WSB2: variants seen among roughly 807,000 people sequenced by gnomAD.
The protein encoded by WSB2 is WD repeat and SOCS box-containing protein 2.
Under a neutral mutation model 48.8 loss-of-function variants are expected in WSB2, and 12 were observed. The observed-to-expected ratio is 0.25, with a 90% CI of 0.16 to 0.40. WSB2 has a LOEUF of 0.40. Among genes scored for constraint, WSB2 ranks in the 10% least tolerant of loss-of-function variants. The probability of loss-of-function intolerance (pLI) is 1.00; values close to 1 mark genes in which losing one functional copy is unlikely to be tolerated. For missense variants in WSB2, 317 were observed against 506.2 expected (o/e 0.63, Z 3.59); for synonymous variants, 191 against 203.1 (o/e 0.94, Z 0.51).
chr12:118,056,823 C>T (rs1342803724), intron 1 of WSB2, among the ~76,000 whole-genome samples: 1 of 152,064 alleles, frequency 6.6e-6, no homozygotes, highest in Non-Finnish European at 1.5e-5. Flanking sequence ...ATCACTTGAA[C>T]CCGGGAGGTG....
At chr12:118,034,724 T>C (rs2137759133) in intron 8 of WSB2, 1 of 532,168 alleles carries the variant, frequency 1.9e-6, no homozygotes, top group East Asian at 3.2e-5. Flanking sequence ...ATATTATGCA[T>C]CATCTCAATT....
At chr12:118,036,611 G>T (rs1593462465) in intron 5 of WSB2, 101 bp from the exon 6 acceptor site, 1 of 1,273,646 alleles carries the variant, frequency 7.9e-7, no homozygotes, top group Non-Finnish European at 1.1e-6. Flanking sequence ...AGGCCCTGCA[G>T]CCAGGGCTGA....
At chr12:118,038,597 A>G (rs145573797) in intron 4 of WSB2, among the ~76,000 whole-genome samples, 2,183 of 152,336 alleles carry the variant, frequency 0.014, 38 homozygotes, top group Middle Eastern at 0.071. Context: ...TGATATTCTA[A>G]TTCCCCACGG....
At chr12:118,061,221 C>T, upstream of WSB2, 1 of 973,142 alleles carries the variant, frequency 1.0e-6, no homozygotes, top group Non-Finnish European at 1.2e-6. Flanking sequence ...CGCGCGGGGG[C>T]GGGGCGCAGG....
chr12:118,041,906 C>G (rs1021561414), intron 4 of WSB2, among the ~76,000 whole-genome samples: 2 of 152,050 alleles, frequency 1.3e-5, no homozygotes, highest in Non-Finnish European at 2.9e-5. Flanking sequence ...AGGCGCCCAC[C>G]ACCACGCCCA....
In WSB2 at chr12:118,034,164, C is replaced by A. The variant is rs201888386; in HGVS notation, c.*32G>T. On this transcript the variant is annotated 3_prime_UTR_variant, in exon 9 of 9. Coordinates refer to ENST00000315436, the MANE Select transcript of WSB2 (RefSeq NM_018639.5). Reference sequence around the variant, plus strand: ...ACTCCCTTTGACAGGACGATTTACCCTGCTACAAAGAAGCACAAGATGTGG... The same window carrying A: ...ACTCCCTTTGACAGGACGATTTACCATGCTACAAAGAAGCACAAGATGTGG... 1,689 of 1,613,184 alleles carry A rather than the reference C, an allele frequency of 1.0e-3. 5 individuals are homozygous for A. Among genetic ancestry groups the A allele is most frequent in the Middle Eastern group, 8.7e-3 (52 of 5,958 alleles).
At chr12:118,053,300 A>C (rs1397086578) in intron 1 of WSB2, among the ~76,000 whole-genome samples, 1 of 152,110 alleles carries the variant, frequency 6.6e-6, no homozygotes, top group Non-Finnish European at 1.5e-5. Context: ...TCTCCTTGAC[A>C]TGCAAGGGGC....
chr12:118,034,850 G>C (rs1386116314), intron 8 of WSB2, 136 bp downstream of exon 8: 1 of 747,662 alleles, frequency 1.3e-6, no homozygotes. Context: ...TCGATCATTT[G>C]AGTTTTATAT....
At chr12:118,037,679 A>G (rs1003644721) in intron 5 of WSB2, among the ~76,000 whole-genome samples, 7 of 149,240 alleles carry the variant, frequency 4.7e-5, no homozygotes, top group African/African-American at 1.7e-4. Context: ...AAAAAAAAAA[A>G]AAAGAAAAGA....
intron 1 of WSB2, among the ~76,000 whole-genome samples, chr12:118,057,306 A>T (rs374683699): frequency 6.6e-6 from 1 of 151,718 alleles, no homozygotes; most frequent in East Asian, 1.9e-4. Context: ...ACAGAGTCTC[A>T]CTCTGCTGCC....
At chr12:118,035,184 A>G in intron 7 of WSB2, 30 bp downstream of exon 7, 1 of 1,613,642 alleles carries the variant, frequency 6.2e-7, no homozygotes, top group South Asian at 1.1e-5. Flanking sequence ...ACTTGTTCTG[A>G]GGCCATGTAA....
chr12:118,048,212 A>G (rs1376781655), intron 2 of WSB2, among the ~76,000 whole-genome samples: 1 of 150,590 alleles, frequency 6.6e-6, no homozygotes, highest in Non-Finnish European at 1.5e-5. Context: ...TACAGGCGTG[A>G]GCCACCGCAC....
rs764853364 is a variant in WSB2 at position 118,052,459 on chromosome 12, G to C, written c.33C>G (p.Ala11=). MEAGEEPLLL[A]ELKPGRPHQF... is the part of the protein sequence containing the mutation. ...GGTGGGGGCGCCCGGGCTTGAGTTC[G>C]GCCAGCAGCAGCGGTTCCTCTGGGG... Residue 11 remains alanine (A), a synonymous_variant, in exon 2 of 9, where the codon GCC becomes GCG. Coordinates refer to ENST00000315436, the MANE Select transcript of WSB2 (RefSeq NM_018639.5). 1 of 1,614,040 alleles carries C rather than the reference G, an allele frequency of 6.2e-7. No homozygotes were observed. The highest frequency in any genetic ancestry group is 2.2e-5 in the East Asian group (1 of 44,872).
chr12:118,049,745 T>C (rs1321947237), intron 2 of WSB2, among the ~76,000 whole-genome samples: 2 of 152,092 alleles, frequency 1.3e-5, no homozygotes, highest in African/African-American at 4.8e-5. Context: ...TTGCCAGGCT[T>C]CCTTCCAAAA....
intron 2 of WSB2, among the ~76,000 whole-genome samples, chr12:118,045,284 G>A (rs1331223355): frequency 6.6e-6 from 1 of 151,608 alleles, no homozygotes; most frequent in Non-Finnish European, 1.5e-5. Context: ...AGAATGGCGT[G>A]AACCCGGGAG....
chr12:118,060,121 A>T lies in WSB2; in HGVS notation c.13+915T>A, dbSNP rs1161069899. On this transcript the variant is annotated intron_variant, in intron 1 of 8. Coordinates refer to ENST00000315436, the MANE Select transcript of WSB2 (RefSeq NM_018639.5). The surrounding 1 kb of genome is among the most constrained non-coding windows in gnomAD (Gnocchi z 4.1). The stretch of plus-strand genomic sequence containing the variant: ...TTCAAGACCTGGGACTCCCGGAATC[A>T]ATTCTAAATCTATCCCAAGTGGGGT... Among the ~76,000 whole-genome samples the T allele has an allele frequency of 1.3e-5, 2 of 152,260 alleles. No individual in the cohort carries two copies. The highest frequency in any genetic ancestry group is 3.9e-4 in the East Asian group (2 of 5,184).
At chr12:118,038,433 C>G (rs2031560701) in intron 4 of WSB2, 45 bp from the exon 5 acceptor site, 1 of 1,582,002 alleles carries the variant, frequency 6.3e-7, no homozygotes, top group African/African-American at 1.3e-5. Context: ...CTCAACAAAG[C>G]AGGAAGACTG....
intron 2 of WSB2, among the ~76,000 whole-genome samples, chr12:118,044,311 T>C (rs2031702897): frequency 6.6e-6 from 1 of 152,148 alleles, no homozygotes; most frequent in African/African-American, 2.4e-5. Context: ...GTTTTTCCCA[T>C]GAGTAAGAAA....
At chr12:118,049,655 G>A (rs1447899390) in intron 2 of WSB2, among the ~76,000 whole-genome samples, 2 of 151,924 alleles carry the variant, frequency 1.3e-5, no homozygotes, top group Admixed American at 6.6e-5. Flanking sequence ...TGCCTGCCTC[G>A]GCCTCCCAAA....
Sources: gnomAD v4.1 joint callset for allele counts (sites outside exome capture counted in the v4.1 genomes callset) on GRCh38, gnomAD v4.1.1 for gene constraint, Gnocchi (gnomAD v3.1) non-coding constraint, MANE v1.5 for transcripts, NCBI Gene and HGNC (gene_info 2026-07-23, HGNC 2026-07-21) for gene names.